The following CAMKMT variants were observed in gnomAD, a reference collection of about 807,000 sequenced individuals.
CAMKMT encodes the protein calmodulin-lysine N-methyltransferase, also known as CaM KMT.
In CAMKMT, 53 loss-of-function variants were observed where a neutral mutation model predicts 48.0. The ratio of observed to expected loss-of-function variants is 1.10; its 90% CI spans 0.89 to 1.39. CAMKMT has a LOEUF of 1.39. Ranked by LOEUF, CAMKMT falls within the 40% of genes most tolerant of loss-of-function variation. The pLI, the probability that CAMKMT is intolerant of heterozygous loss-of-function variation, is 0.00. For missense variants in CAMKMT, 428 were observed against 402.7 expected (o/e 1.06, Z -0.54); for synonymous variants, 165 against 152.3 (o/e 1.08, Z -0.61).
At chr2:44,486,559 A>T (rs1572629511) in intron 3 of CAMKMT, among the ~76,000 whole-genome samples, 2 of 152,350 alleles carry the variant, frequency 1.3e-5, no homozygotes, top group Middle Eastern at 3.4e-3. Flanking sequence ...GATGTTGGTC[A>T]TAGAATGCCT....
chr2:44,710,866 T>C (rs554569413), intron 6 of CAMKMT, among the ~76,000 whole-genome samples: 5 of 152,330 alleles, frequency 3.3e-5, no homozygotes, highest in South Asian at 4.2e-4. Flanking sequence ...CACCCTGCCT[T>C]AGTAAACATC....
intron 6 of CAMKMT, among the ~76,000 whole-genome samples, chr2:44,711,284 C>T (rs1253982760): frequency 1.3e-5 from 2 of 152,102 alleles, no homozygotes; most frequent in African/African-American, 2.4e-5. Context: ...AAAATTAATT[C>T]AACCAATATT....
chr2:44,608,428 T>A (rs1671419748), intron 3 of CAMKMT, among the ~76,000 whole-genome samples: 1 of 152,128 alleles, frequency 6.6e-6, no homozygotes, highest in South Asian at 2.1e-4. Context: ...AAATAATAAT[T>A]GTACTTATTT....
chr2:44,417,748 C>T (rs904155468), intron 3 of CAMKMT, among the ~76,000 whole-genome samples: 22 of 152,184 alleles, frequency 1.4e-4, no homozygotes, highest in African/African-American at 5.1e-4. Flanking sequence ...AACCATTCTG[C>T]TAGGTGTGTA....
chr2:44,532,350 C>G (rs574514388), intron 3 of CAMKMT, among the ~76,000 whole-genome samples: 7 of 152,272 alleles, frequency 4.6e-5, no homozygotes, highest in African/African-American at 1.7e-4. Flanking sequence ...ATCTGATGAT[C>G]TGTTAATTTG....
chr2:44,385,914 A>G (rs1396704945), intron 2 of CAMKMT, among the ~76,000 whole-genome samples: 1 of 152,058 alleles, frequency 6.6e-6, no homozygotes, highest in Non-Finnish European at 1.5e-5. Context: ...GTGTTCATCA[A>G]GGATATCAGT....
At chr2:44,673,970 T>TC (rs1675516662) in intron 3 of CAMKMT, among the ~76,000 whole-genome samples, 1 of 151,730 alleles carries the variant, frequency 6.6e-6, no homozygotes, top group Admixed American at 6.6e-5. Flanking sequence ...ATAGCAAATC[T>TC]CCTTCTTGCT....
intron 3 of CAMKMT, among the ~76,000 whole-genome samples, chr2:44,607,608 A>G (rs1365604049): frequency 6.6e-6 from 1 of 152,192 alleles, no homozygotes; most frequent in Non-Finnish European, 1.5e-5. Flanking sequence ...TTTTAGTGAA[A>G]TATGGTGTTT....
At chr2:44,386,602 C>G (rs766452102) in intron 2 of CAMKMT, among the ~76,000 whole-genome samples, 1 of 151,910 alleles carries the variant, frequency 6.6e-6, no homozygotes, top group African/African-American at 2.4e-5. Flanking sequence ...TGAGGTGTGA[C>G]CTTAGACTGT....
At chr2:44,720,717 A>T (rs576702326) in intron 7 of CAMKMT, among the ~76,000 whole-genome samples, 2 of 152,238 alleles carry the variant, frequency 1.3e-5, no homozygotes, top group South Asian at 4.1e-4. Flanking sequence ...TCAGAAGTGG[A>T]TTGTGTCTAT....
At chr2:44,612,255 T>C (rs1367211290) in intron 3 of CAMKMT, among the ~76,000 whole-genome samples, 3 of 152,152 alleles carry the variant, frequency 2.0e-5, no homozygotes, top group Non-Finnish European at 2.9e-5. Flanking sequence ...ATTCGGGCAA[T>C]AGAATAACCA....
chr2:44,684,173 T>C (rs370006333), intron 3 of CAMKMT, among the ~76,000 whole-genome samples: 12 of 152,332 alleles, frequency 7.9e-5, no homozygotes, highest in African/African-American at 2.6e-4. Flanking sequence ...GAAATCTGTT[T>C]TCTGTCCTGA....
At chr2:44,571,949 A>G (rs957844082) in intron 3 of CAMKMT, among the ~76,000 whole-genome samples, 1 of 152,250 alleles carries the variant, frequency 6.6e-6, no homozygotes, top group Non-Finnish European at 1.5e-5. Context: ...AACTACCTTC[A>G]TGAATTATTA....
intron 4 of CAMKMT, among the ~76,000 whole-genome samples, chr2:44,705,872 T>A (rs1041977839): frequency 6.6e-6 from 1 of 152,190 alleles, no homozygotes; most frequent in African/African-American, 2.4e-5. Flanking sequence ...ATATACACAC[T>A]CATATATATT....
At chr2:44,631,064 G>T (rs561751335) in intron 3 of CAMKMT, among the ~76,000 whole-genome samples, 1 of 152,080 alleles carries the variant, frequency 6.6e-6, no homozygotes, top group Non-Finnish European at 1.5e-5. Flanking sequence ...ATACTATGCA[G>T]CCATAAAAAA....
At chr2:44,452,897 T>A (rs914513952) in intron 3 of CAMKMT, among the ~76,000 whole-genome samples, 6 of 152,052 alleles carry the variant, frequency 3.9e-5, no homozygotes, top group African/African-American at 1.2e-4. Flanking sequence ...GATATCATGC[T>A]GGGGAAGAAT....
At chr2:44,597,919 TAG>T (rs1256577104) in intron 3 of CAMKMT, among the ~76,000 whole-genome samples, 1 of 152,098 alleles carries the variant, frequency 6.6e-6, no homozygotes, top group African/African-American at 2.4e-5. Context: ...GTGTTTTTAG[TAG>T]AGACGGGGTT....
At chr2:44,692,351 T>C (rs886590790) in intron 3 of CAMKMT, among the ~76,000 whole-genome samples, 1 of 152,160 alleles carries the variant, frequency 6.6e-6, no homozygotes, top group Non-Finnish European at 1.5e-5. Flanking sequence ...GAGAAGGTAC[T>C]TTTATTGCTT....
intron 3 of CAMKMT, among the ~76,000 whole-genome samples, chr2:44,670,712 C>T (rs1675277791): frequency 6.6e-6 from 1 of 151,924 alleles, no homozygotes; most frequent in South Asian, 2.1e-4. Context: ...ATTGCTGGAC[C>T]CCACCTCCAG....
Sources: allele counts gnomAD v4.1 joint callset (sites outside exome capture counted in the v4.1 genomes callset), GRCh38; gene constraint gnomAD v4.1.1; transcripts MANE v1.5; gene names NCBI Gene and HGNC (gene_info 2026-07-23, HGNC 2026-07-21).